STAT1: variants seen among roughly 807,000 people sequenced by gnomAD.
STAT1 encodes the protein signal transducer and activator of transcription 1.
STAT1 carries 24 observed loss-of-function variants against 111.7 expected under a neutral mutation model. The ratio of observed to expected loss-of-function variants is 0.21; its 90% CI spans 0.16 to 0.30. STAT1 has a LOEUF of 0.30. Among genes scored for constraint, STAT1 ranks in the 10% least tolerant of loss-of-function variants. STAT1 has a pLI of 1.00. For missense variants in STAT1, 351 were observed against 911.9 expected (o/e 0.38, Z 7.92); for synonymous variants, 332 against 326.5 (o/e 1.02, Z -0.18).
chr2:190,995,117 T>C lies in STAT1; in HGVS notation c.888A>G (p.Lys296=), dbSNP rs140265350. ...KYTYEHDPIT[K]NKQVLWDRTF... The stretch of plus-strand genomic sequence containing the variant: ...TGCGGTCCCATAACACTTGTTTGTT[T>C]TTTGTGATAGGGTCATGTTCGTAGG... The change falls in exon 10 of 25, where the codon AAA becomes AAG. Residue 296 remains lysine (K), a synonymous_variant. Transcript: ENST00000361099. This position sits in a 1 kb window ranked among gnomAD's most constrained non-coding sequence, Gnocchi z 4.2. The C allele has an allele frequency of 2.5e-6, 4 of 1,613,752 alleles. No individual in the cohort carries two copies. The highest frequency in any genetic ancestry group is 3.4e-6 in the Non-Finnish European group (4 of 1,179,960).
At position 190,978,792 on chromosome 2, in the gene STAT1, C is replaced by G. The variant is rs564897518; in HGVS notation, c.1873+64G>C. 1.3e-6 allele frequency: 2 copies of G among 1,591,696 alleles called. No homozygotes were observed. Among genetic ancestry groups the G allele is most frequent in the Non-Finnish European group, 1.7e-6 (2 of 1,168,162 alleles). Reference sequence around the variant, plus strand: ...CGCACTATCTGTATGAGCTGACTGGCGGCGATGAAGAGGGACTTCACACAC... The same window carrying G: ...CGCACTATCTGTATGAGCTGACTGGGGGCGATGAAGAGGGACTTCACACAC... On this transcript the variant is annotated intron_variant, in intron 21 of 24. Coordinates refer to ENST00000361099, the MANE Select transcript of STAT1 (RefSeq NM_007315.4). The surrounding 1 kb of genome is among the most constrained non-coding windows in gnomAD (Gnocchi z 6.1).
In STAT1 at chr2:190,979,788, G is replaced by A. The variant is rs865828880; in HGVS notation, c.1711C>T (p.Pro571Ser). The A allele has an allele frequency of 6.2e-7, 1 of 1,613,378 alleles. No individual in the cohort carries two copies. The highest frequency in any genetic ancestry group is 8.5e-7 in the Non-Finnish European group (1 of 1,179,412). ...GGCCCTTACCCATCATTCCAGAGAGGGAGCAGGTGTTTTTTAATGAGTTCT... is the reference window on the plus strand; with the variant it reads ...GGCCCTTACCCATCATTCCAGAGAGAGAGCAGGTGTTTTTTAATGAGTTCT... ...ILELIKKHLLPLWNDGCIMGF... is the reference protein window; with the variant it reads ...ILELIKKHLLSLWNDGCIMGF... The change falls in exon 20 of 25, where the codon CCT becomes TCT. Residue 571 changes from proline to serine, a missense_variant. Around this residue, in one of 7 missense-constraint regions of STAT1, gnomAD observed 181 missense variants for 426.1 expected, o/e 0.42. Coordinates refer to ENST00000361099, the MANE Select transcript of STAT1 (RefSeq NM_007315.4). This position sits in a 1 kb window ranked among gnomAD's most constrained non-coding sequence, Gnocchi z 5.8.
intron 2 of STAT1, 123 bp from the exon 3 acceptor site, chr2:191,010,127 A>G: frequency 3.3e-6 from 4 of 1,195,496 alleles, no homozygotes; most frequent in Non-Finnish European, 4.7e-6. Context: ...AGTTTGTCCC[A>G]GGAATATTTT....
chr2:190,981,531 T>C lies in STAT1; in HGVS notation c.1582+852A>G, dbSNP rs1692393272. ...TTACAGCTAGAAAAGATATCCTTCT[T>C]AACTCTCACCAAATAAAGAAATGGA... On this transcript the variant is annotated intron_variant, in intron 18 of 24. Coordinates refer to ENST00000361099, the MANE Select transcript of STAT1 (RefSeq NM_007315.4). This position sits in a 1 kb window ranked among gnomAD's most constrained non-coding sequence, Gnocchi z 4.1. 1.3e-5 allele frequency among the ~76,000 whole-genome samples: 2 copies of C among 152,228 alleles called. No individual in the cohort carries two copies. Among genetic ancestry groups the C allele is most frequent in the Non-Finnish European group, 2.9e-5 (2 of 68,032 alleles).
rs981177480 is a variant in STAT1 at position 190,999,422 on chromosome 2, G to A, written c.541+204C>T. ...AAAAGTCGGGGATGCTGTTAAACAC[G>A]CTACAATGCCAGGACAGCCCCAACA... is the stretch of plus-strand genomic sequence containing the variant. On this transcript the variant is annotated intron_variant, in intron 7 of 24. Transcript: ENST00000361099. The surrounding 1 kb of genome is among the most constrained non-coding windows in gnomAD (Gnocchi z 4.1). Among the ~76,000 whole-genome samples the A allele has an allele frequency of 3.3e-5, 5 of 152,136 alleles. No homozygotes were observed. Among genetic ancestry groups the A allele is most frequent in the African/African-American group, 1.2e-4 (5 of 41,406 alleles).
Position 190,973,507 on chromosome 2 carries a change from A to G in STAT1, c.2238+1323T>C, listed in dbSNP as rs1162072820. ...ATGTCACCTATTAATGGTGGTGGTG[A>G]TGATGATGTAATTTGCTCAGGAACA... On this transcript the variant is annotated intron_variant, in intron 24 of 24. Transcript: ENST00000361099. The surrounding 1 kb of genome is among the most constrained non-coding windows in gnomAD (Gnocchi z 4.4). Among the ~76,000 whole-genome samples the G allele has an allele frequency of 3.3e-5, 5 of 152,174 alleles. No homozygotes were observed. Among genetic ancestry groups the G allele is most frequent in the South Asian group, 4.1e-4 (2 of 4,832 alleles).
Position 190,995,284 on chromosome 2 carries a change from G to T in STAT1, c.786-65C>A. 6.7e-7 allele frequency: 1 copy of T among 1,500,536 alleles called. No individual in the cohort carries two copies. Among genetic ancestry groups the T allele is most frequent in the South Asian group, 1.1e-5 (1 of 88,844 alleles). 93.0% of individuals were successfully genotyped at this position (1,500,536 alleles called of 1,614,324 possible). On this transcript the variant is annotated intron_variant, in intron 9 of 24. Coordinates refer to ENST00000361099, the MANE Select transcript of STAT1 (RefSeq NM_007315.4). The surrounding 1 kb of genome is among the most constrained non-coding windows in gnomAD (Gnocchi z 4.2). The stretch of plus-strand genomic sequence containing the variant: ...GTCCAGAAGCAGCCTGGATTAAAGG[G>T]AATCATGGTATATTAGTCCATTCTC...
rs1002879509 is a variant in STAT1 at position 190,971,832 on chromosome 2, C to T, written c.2239-1115G>A. ...GGTTCAAGCGATCCTCCTGCCTCAG[C>T]CCCCCTAGTAGCTGGGATTACAGGC... On this transcript the variant is annotated intron_variant, in intron 24 of 24. Coordinates refer to ENST00000361099, the MANE Select transcript of STAT1 (RefSeq NM_007315.4). The surrounding 1 kb of genome is among the most constrained non-coding windows in gnomAD (Gnocchi z 4.1). Among the ~76,000 whole-genome samples, 2 of 152,054 alleles carry T rather than the reference C, an allele frequency of 1.3e-5. No individual in the cohort carries two copies. The highest frequency in any genetic ancestry group is 4.8e-5 in the African/African-American group (2 of 41,380).
At chr2:190,994,680 G>C (rs1693678138) in intron 10 of STAT1, among the ~76,000 whole-genome samples, 1 of 151,950 alleles carries the variant, frequency 6.6e-6, no homozygotes, top group South Asian at 2.1e-4. Context: ...CAGCACTTTG[G>C]GAGGCCGAGG....
Position 191,003,752 on chromosome 2 carries a change from C to T in STAT1, c.373-2589G>A, listed in dbSNP as rs917744884. On this transcript the variant is annotated intron_variant, in intron 5 of 24. Transcript: ENST00000361099. This position sits in a 1 kb window ranked among gnomAD's most constrained non-coding sequence, Gnocchi z 4.0. Reference sequence around the variant, plus strand: ...TCTTTTCTTATAAATTACCCAGTCTCAGGTATTTCTTTATAGCCATGCAAG... The same window carrying T: ...TCTTTTCTTATAAATTACCCAGTCTTAGGTATTTCTTTATAGCCATGCAAG... Among the ~76,000 whole-genome samples the T allele has an allele frequency of 3.9e-5, 6 of 152,200 alleles. No homozygotes were observed. The highest frequency in any genetic ancestry group is 3.3e-4 in the Admixed American group (5 of 15,288).
At position 190,987,286 on chromosome 2, in the gene STAT1, C is replaced by CAAATAAA. The variant is rs1233078333; in HGVS notation, c.1098-219_1098-218insTTTATTT. Among the ~76,000 whole-genome samples, 2 of 152,210 alleles carry CAAATAAA rather than the reference C, an allele frequency of 1.3e-5. No homozygotes were observed. The highest frequency in any genetic ancestry group is 4.8e-5 in the African/African-American group (2 of 41,438). ...GAATGACCTTTGGCAAATAAATGGTCTGGGCCTTACATTGTTCATTTGCAC... is the reference window on the plus strand; with the variant it reads ...GAATGACCTTTGGCAAATAAATGGTCAAATAAATGGGCCTTACATTGTTCATTTGCAC... On this transcript the variant is annotated intron_variant, in intron 12 of 24. Transcript: ENST00000361099. This position sits in a 1 kb window ranked among gnomAD's most constrained non-coding sequence, Gnocchi z 4.0.
Position 191,006,389 on chromosome 2 carries a change from T to C in STAT1, c.372+1174A>G, listed in dbSNP as rs1199455199. Among the ~76,000 whole-genome samples the C allele has an allele frequency of 6.6e-6, 1 of 152,192 alleles. No individual in the cohort carries two copies. The highest frequency in any genetic ancestry group is 1.5e-5 in the Non-Finnish European group (1 of 68,038). On this transcript the variant is annotated intron_variant, in intron 5 of 24. Transcript: ENST00000361099. The surrounding 1 kb of genome is among the most constrained non-coding windows in gnomAD (Gnocchi z 4.6). Reference sequence around the variant, plus strand: ...AGTTTAGAATAAGCAATATGTATCTTTACATGCTCAGTTCAGCAAGATGCT... The same window carrying C: ...AGTTTAGAATAAGCAATATGTATCTCTACATGCTCAGTTCAGCAAGATGCT...
In STAT1 at chr2:190,978,841, C is replaced by T; in HGVS notation, c.1873+15G>A. The T allele has an allele frequency of 6.2e-7, 1 of 1,613,502 alleles. No individual in the cohort carries two copies. The highest frequency in any genetic ancestry group is 8.5e-7 in the Non-Finnish European group (1 of 1,179,852). On this transcript the variant is annotated intron_variant, in intron 21 of 24. Transcript: ENST00000361099. The surrounding 1 kb of genome is among the most constrained non-coding windows in gnomAD (Gnocchi z 6.1). The stretch of plus-strand genomic sequence containing the variant: ...ACATGGAATGGTGGGACTATGTGCT[C>T]AAACTCCCACTCACCGCCTCCGTTC...
At position 190,970,680 on chromosome 2, in the gene STAT1, A is replaced by C; in HGVS notation, c.*23T>G. On this transcript the variant is annotated 3_prime_UTR_variant, in exon 25 of 25. Coordinates refer to ENST00000361099, the MANE Select transcript of STAT1 (RefSeq NM_007315.4). This position sits in a 1 kb window ranked among gnomAD's most constrained non-coding sequence, Gnocchi z 5.4. ...AGATGAGAAGGAAAACTGTCGCCAGAGAAGATGAAAAAAATTCATGCTCTA... is the reference window on the plus strand; with the variant it reads ...AGATGAGAAGGAAAACTGTCGCCAGCGAAGATGAAAAAAATTCATGCTCTA... 1 of 1,612,770 alleles carries C rather than the reference A, an allele frequency of 6.2e-7. No individual in the cohort carries two copies. Among genetic ancestry groups the C allele is most frequent in the East Asian group, 2.2e-5 (1 of 44,866 alleles).
Position 190,987,007 on chromosome 2 carries a change from T to C in STAT1, c.1127+32A>G. 6.2e-7 allele frequency: 1 copy of C among 1,610,836 alleles called. No individual in the cohort carries two copies. Among genetic ancestry groups the C allele is most frequent in the Non-Finnish European group, 8.5e-7 (1 of 1,177,058 alleles). On this transcript the variant is annotated intron_variant, in intron 13 of 24. Coordinates refer to ENST00000361099, the MANE Select transcript of STAT1 (RefSeq NM_007315.4). This position sits in a 1 kb window ranked among gnomAD's most constrained non-coding sequence, Gnocchi z 4.0. The stretch of plus-strand genomic sequence containing the variant: ...TCCAACTATTAAATAAATAAAAATA[T>C]AGCACAGTATAGCGTAAAGTACGTC...
Position 190,975,206 on chromosome 2 carries a change from AGGTGT to A in STAT1, c.2136-279_2136-275del. On this transcript the variant is annotated intron_variant, in intron 23 of 24. Coordinates refer to ENST00000361099, the MANE Select transcript of STAT1 (RefSeq NM_007315.4). The surrounding 1 kb of genome is among the most constrained non-coding windows in gnomAD (Gnocchi z 5.9). ...GTGCCGCTTCTGCCTGGGTAAGCCT[AGGTGT>A]GAGCATGTGCGGTGCACTACCCTGA... 2.1e-6 allele frequency: 1 copy of A among 476,336 alleles called. No individual in the cohort carries two copies. 29.5% of individuals were successfully genotyped at this position (476,336 alleles called of 1,614,324 possible).
intron 24 of STAT1, among the ~76,000 whole-genome samples, chr2:190,972,796 G>A (rs1344450978): frequency 6.8e-6 from 1 of 147,774 alleles, no homozygotes; most frequent in Admixed American, 6.7e-5. Context: ...TTTAATGGGA[G>A]GCTTTAGTGG....
At chr2:191,001,012 T>A in intron 6 of STAT1, 62 bp downstream of exon 6, 1 of 1,370,640 alleles carries the variant, frequency 7.3e-7, no homozygotes, top group Admixed American at 1.7e-5. Flanking sequence ...CCCAAGCAAT[T>A]GAAACCTTTT....
intron 4 of STAT1, chr2:191,008,013 G>A (rs1044234138): frequency 8.6e-6 from 4 of 462,734 alleles, no homozygotes; most frequent in Non-Finnish European, 1.7e-5. Context: ...AACTATACAT[G>A]ACATTCCTCA....
Sources: gnomAD v4.1 joint callset for allele counts (sites outside exome capture counted in the v4.1 genomes callset) on GRCh38, gnomAD v4.1.1 for gene constraint, gnomAD v4.1.1 regional missense constraint, Gnocchi (gnomAD v3.1) non-coding constraint, MANE v1.5 for transcripts, NCBI Gene and HGNC (gene_info 2026-07-23, HGNC 2026-07-21) for gene names.